Variants in XKR6 observed in about 807,000 individuals in gnomAD.
The protein encoded by XKR6 is XK related 6.
Under a neutral mutation model 56.7 loss-of-function variants are expected in XKR6, and 22 were observed. The ratio of observed to expected loss-of-function variants is 0.39; its 90% CI spans 0.28 to 0.55. The LOEUF is 0.55. Among genes scored for constraint, XKR6 ranks in the 20% least tolerant of loss-of-function variants. The pLI is 0.66. For synonymous variants in XKR6, 524 were observed against 387.8 expected, an observed-to-expected ratio of 1.35 and a Z score of -4.13; for missense variants, 852 against 889.0, an observed-to-expected ratio of 0.96 and a Z score of 0.53.
rs886628590 is a variant in XKR6, at chr8:10,938,300, T to C, written c.765-13470A>G. Reference sequence around the variant, plus strand: ...CACCCACTGGCCTGCGCCCACTGTCTGGCACTCCCTAGTGAGATGAACCCG... The same window carrying C: ...CACCCACTGGCCTGCGCCCACTGTCCGGCACTCCCTAGTGAGATGAACCCG... On this transcript the variant is annotated intron_variant, in intron 1 of 2. Transcript: ENST00000416569. Among the ~76,000 whole-genome samples, 3 of 152,252 alleles carry C rather than the reference T, an allele frequency of 2.0e-5. No individual in the cohort carries two copies. In the South Asian group the frequency reaches 6.2e-4, roughly 32 times the overall value.
At chr8:11,128,445 C>A (rs1319302120) in intron 1 of XKR6, among the ~76,000 whole-genome samples, 1 of 152,212 alleles carries the variant, frequency 6.6e-6, no homozygotes, top group South Asian at 2.1e-4. Context: ...TATTTGATAG[C>A]CCATCTCAGA....
chr8:10,933,340 T>G, intron 1 of XKR6, among the ~76,000 whole-genome samples: 1 of 98,972 alleles, frequency 1.0e-5, no homozygotes, highest in Non-Finnish European at 2.1e-5. Flanking sequence ...TCTCCCATGT[T>G]GTAGGTTGCC....
chr8:10,944,812 C>T (rs1335850619), intron 1 of XKR6, among the ~76,000 whole-genome samples: 1 of 152,186 alleles, frequency 6.6e-6, no homozygotes, highest in Non-Finnish European at 1.5e-5. Context: ...CCTGAGAGCA[C>T]ATGAAATCAG....
intron 1 of XKR6, among the ~76,000 whole-genome samples, chr8:11,033,358 A>ATGGT (rs1563357871): frequency 1.3e-5 from 2 of 150,338 alleles, no homozygotes; most frequent in African/African-American, 5.0e-5. Flanking sequence ...GATGATGATG[A>ATGGT]CGATAGTGAT....
intron 1 of XKR6, chr8:11,124,294 G>C (rs1799642195): frequency 2.9e-6 from 1 of 339,000 alleles, no homozygotes; most frequent in Non-Finnish European, 5.8e-6. Flanking sequence ...ATGTGGCTAA[G>C]TTTCTACCCT....
At chr8:10,914,109 G>A (rs888366456) in intron 2 of XKR6, among the ~76,000 whole-genome samples, 2 of 152,290 alleles carry the variant, frequency 1.3e-5, no homozygotes, top group East Asian at 3.9e-4. Context: ...ACTGGTTCAG[G>A]ATTGAATGGG....
intron 1 of XKR6, among the ~76,000 whole-genome samples, chr8:11,149,206 T>G (rs1801142968): frequency 6.6e-6 from 1 of 152,174 alleles, no homozygotes; most frequent in Non-Finnish European, 1.5e-5. Context: ...TACAGTGCAC[T>G]TACACACGCC....
chr8:11,075,190 T>C (rs1431728318), intron 1 of XKR6, among the ~76,000 whole-genome samples: 1 of 152,110 alleles, frequency 6.6e-6, no homozygotes, highest in South Asian at 2.1e-4. Flanking sequence ...AAAAGGGTGG[T>C]TGTCTACAAG....
intron 1 of XKR6, among the ~76,000 whole-genome samples, chr8:11,182,499 G>C (rs185533146): frequency 6.6e-6 from 1 of 152,208 alleles, no homozygotes; most frequent in Non-Finnish European, 1.5e-5. Flanking sequence ...GTCCTCAGCT[G>C]GTCAGCGTGG....
chr8:11,050,571 TAA>T (rs56370844), intron 1 of XKR6, among the ~76,000 whole-genome samples: 58,651 of 141,914 alleles, frequency 0.41, 12,676 homozygotes, highest in East Asian at 0.82. Context: ...TCATTTTATT[TAA>T]AAAAAAAAAA....
intron 1 of XKR6, among the ~76,000 whole-genome samples, chr8:10,953,769 T>C (rs1450555480): frequency 2.6e-5 from 4 of 152,196 alleles, no homozygotes; most frequent in Non-Finnish European, 5.9e-5. Context: ...CCCAGAACAT[T>C]TGCATTACCC....
At chr8:11,076,274 G>A (rs980668422) in intron 1 of XKR6, among the ~76,000 whole-genome samples, 26 of 152,190 alleles carry the variant, frequency 1.7e-4, no homozygotes, top group African/African-American at 5.6e-4. Context: ...TTTACACAGC[G>A]ATAAAGTTCT....
At chr8:11,085,742 G>A (rs562269713) in intron 1 of XKR6, among the ~76,000 whole-genome samples, 16 of 152,268 alleles carry the variant, frequency 1.1e-4, no homozygotes, top group African/African-American at 3.4e-4. Context: ...ATTTCAGACC[G>A]TCAGCATGGC....
At chr8:11,173,583 T>TGTAA (rs1477726044) in intron 1 of XKR6, among the ~76,000 whole-genome samples, 1 of 152,024 alleles carries the variant, frequency 6.6e-6, no homozygotes, top group Non-Finnish European at 1.5e-5. Context: ...TTTCCACATC[T>TGTAA]GTAAGATGGG....
intron 1 of XKR6, among the ~76,000 whole-genome samples, chr8:11,046,504 A>T (rs1244520597): frequency 6.6e-6 from 1 of 152,204 alleles, no homozygotes; most frequent in African/African-American, 2.4e-5. Flanking sequence ...TCCTAGCAAC[A>T]TTATTCACAG....
intron 1 of XKR6, among the ~76,000 whole-genome samples, chr8:10,962,629 T>C (rs1802097867): frequency 6.6e-6 from 1 of 150,700 alleles, no homozygotes; most frequent in Non-Finnish European, 1.5e-5. Flanking sequence ...TTTTGTTTTG[T>C]TTTTTTTTGT....
chr8:10,916,839 C>T lies in XKR6; in HGVS notation c.961+7795G>A, dbSNP rs113621313. ...TTTGGACGCAGTCAGTCTGAGTTCT[C>T]GCTGGAAAAATAGGTCAATGTGAAG... On this transcript the variant is annotated intron_variant, in intron 2 of 2. Coordinates refer to ENST00000416569, the MANE Select transcript of XKR6 (RefSeq NM_173683.4). Among the ~76,000 whole-genome samples, 538 of 152,292 alleles carry T rather than the reference C, an allele frequency of 3.5e-3. 6 individuals carry two copies. Among genetic ancestry groups the T allele is most frequent in the African/African-American group, 0.012 (493 of 41,562 alleles).
At chr8:10,976,430 C>T (rs1157539777) in intron 1 of XKR6, among the ~76,000 whole-genome samples, 1 of 152,152 alleles carries the variant, frequency 6.6e-6, no homozygotes, top group Non-Finnish European at 1.5e-5. Flanking sequence ...GACAGCAGCT[C>T]ATCCAGTCCC....
Position 10,898,169 on chromosome 8 carries a change from G to A in XKR6, c.1709C>T (p.Pro570Leu). 1 of 1,614,058 alleles carries A rather than the reference G, an allele frequency of 6.2e-7. No homozygotes were observed. Among genetic ancestry groups the A allele is most frequent in the Non-Finnish European group, 8.5e-7 (1 of 1,179,966 alleles). ...LPVFQVRPMG[P>L]PTPLGRPYLP... ...GTAAGGACGCCCCAACGGGGTAGGG[G>A]GCCCCATGGGTCTCACTTGGAAAAC... The change falls in exon 3 of 3, where the codon CCC becomes CTC. Residue 570 changes from proline (P) to leucine (L), a missense_variant. Pro to Leu is a moderately conservative substitution (Grantham distance 98). Around this residue, in one of 4 missense-constraint regions of XKR6, gnomAD observed 197 missense variants for 190.9 expected, o/e 1.03. Coordinates refer to ENST00000416569, the MANE Select transcript of XKR6 (RefSeq NM_173683.4). This position sits in a 1 kb window ranked among gnomAD's most constrained non-coding sequence, Gnocchi z 6.6.
Sources: gnomAD v4.1 joint callset for allele counts (sites outside exome capture counted in the v4.1 genomes callset) on GRCh38, gnomAD v4.1.1 for gene constraint, gnomAD v4.1.1 regional missense constraint, Gnocchi (gnomAD v3.1) non-coding constraint, MANE v1.5 for transcripts, NCBI Gene and HGNC (gene_info 2026-07-23, HGNC 2026-07-21) for gene names.